DHX57: variants seen among roughly 807,000 people sequenced by gnomAD.
DHX57 encodes putative ATP-dependent RNA helicase DHX57.
DHX57 carries 105 observed loss-of-function variants against 156.2 expected under a neutral mutation model. The observed-to-expected ratio is 0.67, with a 90% CI of 0.57 to 0.79. The LOEUF is 0.79. DHX57 is among the 30% of genes least tolerant of loss of function. The pLI, the probability that DHX57 is intolerant of heterozygous loss-of-function variation, is 0.00. For missense variants in DHX57, 1,847 were observed against 1,661.9 expected, an observed-to-expected ratio of 1.11 and a Z score of -1.94; for synonymous variants, 704 against 595.6, an observed-to-expected ratio of 1.18 and a Z score of -2.65.
At chr2:38,873,876 T>C (rs1335516097) in intron 1 of DHX57, among the ~76,000 whole-genome samples, 1 of 152,106 alleles carries the variant, frequency 6.6e-6, no homozygotes, top group East Asian at 1.9e-4. Flanking sequence ...GTAAGGCCTC[T>C]TTGAGATTTT....
At chr2:38,838,252 C>T (rs1671789829) in intron 12 of DHX57, among the ~76,000 whole-genome samples, 1 of 152,140 alleles carries the variant, frequency 6.6e-6, no homozygotes, top group Non-Finnish European at 1.5e-5. Flanking sequence ...GCATGCACCA[C>T]CATACCTGGT....
chr2:38,845,114 T>C (rs1672199779), intron 11 of DHX57, among the ~76,000 whole-genome samples: 2 of 152,104 alleles, frequency 1.3e-5, no homozygotes, highest in East Asian at 1.9e-4. Flanking sequence ...ACAGGATCAC[T>C]TGGGCCTGGA....
At chr2:38,845,865 C>CTTT (rs5830544) in intron 11 of DHX57, among the ~76,000 whole-genome samples, 1 of 137,220 alleles carries the variant, frequency 7.3e-6, no homozygotes, top group African/African-American at 2.7e-5. Flanking sequence ...TAATAGCTAA[C>CTTT]TTTTTTTTTT....
chr2:38,834,480 T>C (rs1212754634), intron 13 of DHX57, among the ~76,000 whole-genome samples: 1 of 152,180 alleles, frequency 6.6e-6, no homozygotes, highest in South Asian at 2.1e-4. Flanking sequence ...GTTGTGAGAA[T>C]CGACTTAAAA....
intron 13 of DHX57, among the ~76,000 whole-genome samples, chr2:38,828,696 C>T (rs558576285): frequency 6.6e-6 from 1 of 150,614 alleles, no homozygotes; most frequent in South Asian, 2.1e-4. Flanking sequence ...GCACTCTAGC[C>T]TGGGCAACAG....
At chr2:38,825,703 G>C (rs982843452) in intron 16 of DHX57, 144 bp downstream of exon 16, 1 of 814,434 alleles carries the variant, frequency 1.2e-6, no homozygotes, top group Non-Finnish European at 1.9e-6. Flanking sequence ...CAACACTAAG[G>C]ATATCTTTCT....
At position 38,854,758 on chromosome 2, in the gene DHX57, C is replaced by G. The variant is rs1337576659; in HGVS notation, c.1905+299G>C. The G allele has an allele frequency of 8.9e-5, 22 of 247,948 alleles. No individual in the cohort carries two copies. In the South Asian group the frequency reaches 9.3e-4, roughly 10 times the overall value. The allele number at this position is 247,948 out of a possible 1,614,324, so 15.4% of individuals were successfully genotyped here. A position where few individuals can be genotyped will look rare whatever the true frequency, so the allele number is the denominator to read the frequency against. On this transcript the variant is annotated intron_variant, in intron 8 of 23. Transcript: ENST00000457308. ...TGTATTTTTAGTAGAGATGGGGTTTCTCCATGTTGGTCAGGCTGGTCTCGA... is the reference window on the plus strand; with the variant it reads ...TGTATTTTTAGTAGAGATGGGGTTTGTCCATGTTGGTCAGGCTGGTCTCGA...
Position 38,815,827 on chromosome 2 carries a change from C to T in DHX57, c.3472-172G>A. 5.1e-6 allele frequency: 4 copies of T among 781,604 alleles called. No individual in the cohort carries two copies. The South Asian group carries it at 7.8e-5, about 15-fold the overall frequency. The allele number at this position is 781,604 out of a possible 1,614,324, so 48.4% of individuals were successfully genotyped here. ...TTGTCTGGTCATTTCCAAGAAGCAGCTTTCACTTACGCAAACTGGCAGGCA... is the reference window on the plus strand; with the variant it reads ...TTGTCTGGTCATTTCCAAGAAGCAGTTTTCACTTACGCAAACTGGCAGGCA... On this transcript the variant is annotated intron_variant, in intron 19 of 23. Coordinates refer to ENST00000457308, the MANE Select transcript of DHX57 (RefSeq NM_198963.3).
intron 13 of DHX57, among the ~76,000 whole-genome samples, chr2:38,832,884 T>G (rs1269605356): frequency 1.3e-5 from 2 of 152,104 alleles, no homozygotes; most frequent in African/African-American, 4.8e-5. Flanking sequence ...ATCATTACAT[T>G]CATTTATTCA....
chr2:38,802,867 T>C lies in DHX57; in HGVS notation c.3865A>G (p.Thr1289Ala). Reference protein sequence around the residue: ...PYLLYHEKIKTSRVFIRDCSM... With the variant: ...PYLLYHEKIKASRVFIRDCSM... ...CAGTCTCGGATGAATACTCGACTAGTTTTTATCTTCTCGTGGTACAACAGG... is the reference window on the plus strand; with the variant it reads ...CAGTCTCGGATGAATACTCGACTAGCTTTTATCTTCTCGTGGTACAACAGG... Residue 1289 changes from threonine (T) to alanine (A), a missense_variant, in exon 23 of 24, where the codon ACT becomes GCT. Transcript: ENST00000457308. 6.2e-7 allele frequency: 1 copy of C among 1,614,100 alleles called. No homozygotes were observed. The highest frequency in any genetic ancestry group is 8.5e-7 in the Non-Finnish European group (1 of 1,180,002).
intron 9 of DHX57, 23 bp downstream of exon 9, chr2:38,854,031 C>T: frequency 1.3e-6 from 2 of 1,589,944 alleles, no homozygotes; most frequent in Admixed American, 1.8e-5. Context: ...AGTGTGTGTT[C>T]CCTGGGAAAG....
intron 9 of DHX57, among the ~76,000 whole-genome samples, chr2:38,850,214 T>G (rs373012032): frequency 1.3e-5 from 2 of 152,242 alleles, no homozygotes; most frequent in East Asian, 3.8e-4. Flanking sequence ...ACTACCAGTT[T>G]ACTTCTAAGA....
chr2:38,804,971 C>A (rs1669871463), intron 22 of DHX57, among the ~76,000 whole-genome samples: 1 of 152,130 alleles, frequency 6.6e-6, no homozygotes, highest in African/African-American at 2.4e-5. Flanking sequence ...CTCACTAGAA[C>A]ATAAGCTTCT....
chr2:38,830,930 A>G (rs1186640718), intron 13 of DHX57, among the ~76,000 whole-genome samples: 5 of 152,098 alleles, frequency 3.3e-5, no homozygotes, highest in Non-Finnish European at 7.3e-5. Flanking sequence ...CACCATCTCT[A>G]CAAAAAATTA....
At chr2:38,871,001 G>A (rs1318027906) in intron 1 of DHX57, among the ~76,000 whole-genome samples, 6 of 152,088 alleles carry the variant, frequency 3.9e-5, no homozygotes, top group African/African-American at 1.4e-4. Context: ...AAAACTGAGA[G>A]AATTTGTTGT....
At chr2:38,836,945 C>T (rs1671702252) in intron 13 of DHX57, among the ~76,000 whole-genome samples, 1 of 152,030 alleles carries the variant, frequency 6.6e-6, no homozygotes. Flanking sequence ...TTCCACCTCT[C>T]AGGCTAAGGC....
intron 13 of DHX57, among the ~76,000 whole-genome samples, chr2:38,836,929 G>A (rs991866180): frequency 1.3e-5 from 2 of 152,008 alleles, no homozygotes; most frequent in Non-Finnish European, 2.9e-5. Flanking sequence ...CATGGCTCAT[G>A]GCAGCTTCCA....
At chr2:38,843,355 G>C in intron 11 of DHX57, 145 bp from the exon 12 acceptor site, 1 of 799,914 alleles carries the variant, frequency 1.3e-6, no homozygotes, top group South Asian at 1.7e-5. Flanking sequence ...CAGGATTCTG[G>C]CTGTACCCTA....
At chr2:38,819,179 C>CTT in intron 17 of DHX57, 35 bp from the exon 18 acceptor site, 43 of 1,258,954 alleles carry the variant, frequency 3.4e-5, no homozygotes, top group Middle Eastern at 2.8e-4. Context: ...TTAAAGAACA[C>CTT]TTTTTTTTTT....
Sources: gnomAD v4.1 joint callset for allele counts (sites outside exome capture counted in the v4.1 genomes callset) on GRCh38, gnomAD v4.1.1 for gene constraint, MANE v1.5 for transcripts, NCBI Gene and HGNC (gene_info 2026-07-23, HGNC 2026-07-21) for gene names.